Variants in ZNF438 observed in about 807,000 individuals in gnomAD.
The protein encoded by ZNF438 is zinc finger protein 438.
A neutral mutation model predicts 38.0 loss-of-function variants in ZNF438; 25 were observed. The ratio of observed to expected loss-of-function variants is 0.66; its 90% CI spans 0.48 to 0.92. ZNF438 has a LOEUF of 0.92. Among genes scored for constraint, ZNF438 ranks in the 40% least tolerant of loss-of-function variants. ZNF438 has a pLI of 0.00. For synonymous variants in ZNF438, 372 were observed against 364.1 expected, an observed-to-expected ratio of 1.02 and a Z score of -0.25; for missense variants, 1,007 against 999.6, an observed-to-expected ratio of 1.01 and a Z score of -0.10.
chr10:31,022,606 T>G (rs930940427), intron 1 of ZNF438, among the ~76,000 whole-genome samples: 1 of 152,134 alleles, frequency 6.6e-6, no homozygotes, highest in African/African-American at 2.4e-5. Flanking sequence ...ATCTGAGAAG[T>G]ACACTCAGCA....
At chr10:30,922,192 C>A (rs954588406) in intron 2 of ZNF438, among the ~76,000 whole-genome samples, 8 of 152,260 alleles carry the variant, frequency 5.3e-5, no homozygotes, top group African/African-American at 1.7e-4. Flanking sequence ...ACGTATCTCT[C>A]TGGAGATTTC....
At chr10:30,930,873 A>C (rs551498092) in intron 2 of ZNF438, among the ~76,000 whole-genome samples, 29 of 149,702 alleles carry the variant, frequency 1.9e-4, no homozygotes, top group Admixed American at 1.4e-3. Context: ...CTGCCATCTG[A>C]ATGATTTCAC....
At chr10:31,001,908 T>C (rs905727303) in intron 1 of ZNF438, among the ~76,000 whole-genome samples, 2 of 152,144 alleles carry the variant, frequency 1.3e-5, no homozygotes, top group Non-Finnish European at 1.5e-5. Flanking sequence ...ATGGCTGCAA[T>C]ACAGTGCCGA....
chr10:31,022,307 G>A (rs545057087), intron 1 of ZNF438, among the ~76,000 whole-genome samples: 1 of 151,972 alleles, frequency 6.6e-6, no homozygotes, highest in Admixed American at 6.5e-5. Flanking sequence ...TGTCACCCAG[G>A]CTGGAATGCA....
At chr10:30,876,713 C>T (rs193252209) in intron 4 of ZNF438, among the ~76,000 whole-genome samples, 2 of 152,108 alleles carry the variant, frequency 1.3e-5, no homozygotes, top group Admixed American at 1.3e-4. Flanking sequence ...CTGTTAGTGC[C>T]AGTTAACTGC....
intron 4 of ZNF438, among the ~76,000 whole-genome samples, chr10:30,866,278 C>T (rs2036417735): frequency 6.6e-6 from 1 of 152,114 alleles, no homozygotes; most frequent in Non-Finnish European, 1.5e-5. Context: ...CTACTTTTTT[C>T]ATGGAATACA....
At chr10:30,961,971 C>A (rs1415365337) in intron 1 of ZNF438, among the ~76,000 whole-genome samples, 1 of 146,026 alleles carries the variant, frequency 6.8e-6, no homozygotes, top group African/African-American at 2.4e-5. Context: ...GAGGCTAGTA[C>A]TTACAAAAGC....
At chr10:30,882,825 TG>T (rs1197728630) in intron 3 of ZNF438, among the ~76,000 whole-genome samples, 2 of 152,196 alleles carry the variant, frequency 1.3e-5, no homozygotes, top group Non-Finnish European at 2.9e-5. Context: ...TTTATCTCAT[TG>T]TACTTTAAAT....
chr10:31,013,297 C>T (rs988474534), intron 1 of ZNF438, among the ~76,000 whole-genome samples: 2 of 151,658 alleles, frequency 1.3e-5, no homozygotes, highest in Admixed American at 6.6e-5. Context: ...CCAGCCTGGG[C>T]GACAGAGCGA....
intron 1 of ZNF438, among the ~76,000 whole-genome samples, chr10:30,988,244 C>T (rs976063919): frequency 1.8e-4 from 28 of 151,480 alleles, no homozygotes; most frequent in African/African-American, 5.6e-4. Flanking sequence ...TCATTATCGA[C>T]ATAGAGATTA....
intron 1 of ZNF438, among the ~76,000 whole-genome samples, chr10:30,986,666 C>T (rs2052830909): frequency 6.6e-6 from 1 of 152,088 alleles, no homozygotes; most frequent in African/African-American, 2.4e-5. Flanking sequence ...GAAACATTTG[C>T]ATTATATACT....
chr10:30,927,724 A>G (rs570309774), intron 2 of ZNF438, among the ~76,000 whole-genome samples: 1 of 152,352 alleles, frequency 6.6e-6, no homozygotes, highest in African/African-American at 2.4e-5. Flanking sequence ...GATGGCCAGG[A>G]GGCTCTTATT....
intron 1 of ZNF438, among the ~76,000 whole-genome samples, chr10:31,008,532 C>T (rs1051073969): frequency 1.3e-5 from 2 of 152,196 alleles, no homozygotes; most frequent in African/African-American, 4.8e-5. Context: ...TGGAATCATA[C>T]AACATATAGC....
intron 1 of ZNF438, among the ~76,000 whole-genome samples, chr10:30,986,780 C>G (rs1454889248): frequency 1.3e-5 from 2 of 152,190 alleles, no homozygotes; most frequent in East Asian, 3.9e-4. Flanking sequence ...TGTTGGCACT[C>G]AAAAAGTTTA....
intron 1 of ZNF438, among the ~76,000 whole-genome samples, chr10:30,978,548 C>T (rs74134340): frequency 0.055 from 8,384 of 152,066 alleles, 720 homozygotes; most frequent in African/African-American, 0.19. Flanking sequence ...CATATAATCA[C>T]CACCAGAATC....
chr10:30,982,099 CTTTTTTTT>C (rs538801257), intron 1 of ZNF438, among the ~76,000 whole-genome samples: 3 of 90,870 alleles, frequency 3.3e-5, no homozygotes, highest in Admixed American at 2.5e-4. Context: ...TTTTCTCTTT[CTTTTTTTT>C]TTTTTTATTT....
chr10:30,883,489 G>A (rs994556976), intron 3 of ZNF438, among the ~76,000 whole-genome samples: 2 of 151,976 alleles, frequency 1.3e-5, no homozygotes, highest in Admixed American at 6.5e-5. Flanking sequence ...TAGAATTAGG[G>A]TATATTTTTA....
intron 1 of ZNF438, among the ~76,000 whole-genome samples, chr10:30,995,011 G>A (rs1442821384): frequency 6.6e-6 from 1 of 151,308 alleles, no homozygotes; most frequent in African/African-American, 2.4e-5. Context: ...CTCCAGCCTG[G>A]GTGAGAGAGT....
At chr10:30,937,189 G>T (rs1024852355) in intron 2 of ZNF438, among the ~76,000 whole-genome samples, 8 of 152,216 alleles carry the variant, frequency 5.3e-5, no homozygotes, top group African/African-American at 1.9e-4. Flanking sequence ...CAAATGGAGG[G>T]TGAGGGGCTG....
Sources: gnomAD v4.1 joint callset for allele counts (sites outside exome capture counted in the v4.1 genomes callset) on GRCh38, gnomAD v4.1.1 for gene constraint, MANE v1.5 for transcripts, NCBI Gene and HGNC (gene_info 2026-07-23, HGNC 2026-07-21) for gene names.